MYO3B: variants seen among roughly 807,000 people sequenced by gnomAD.
The protein encoded by MYO3B is myosin IIIB.
In MYO3B, 156 loss-of-function variants were observed where a neutral mutation model predicts 174.6. The ratio of observed to expected loss-of-function variants is 0.89; its 90% CI spans 0.78 to 1.02. The LOEUF (loss-of-function observed/expected upper bound fraction) is 1.02, where lower values mean the gene tolerates loss of function less well. Ranked by LOEUF, MYO3B falls within the 50% of genes least tolerant of loss-of-function variation. The pLI, the probability that MYO3B is intolerant of heterozygous loss-of-function variation, is 0.00. For synonymous variants in MYO3B, 563 were observed against 569.1 expected, an observed-to-expected ratio of 0.99 and a Z score of 0.15; for missense variants, 1,632 against 1,639.4, an observed-to-expected ratio of 1.00 and a Z score of 0.08.
chr2:170,456,531 G>C (rs908482702), intron 23 of MYO3B, among the ~76,000 whole-genome samples: 1 of 152,146 alleles, frequency 6.6e-6, no homozygotes, highest in African/African-American at 2.4e-5. Flanking sequence ...TATGAACCCA[G>C]TTCAACATGG....
chr2:170,539,077 C>A (rs1296570986), intron 30 of MYO3B, among the ~76,000 whole-genome samples: 1 of 152,172 alleles, frequency 6.6e-6, no homozygotes, highest in East Asian at 1.9e-4. Flanking sequence ...CATGTTTATC[C>A]AGGCCAGGAT....
At chr2:170,508,347 T>C (rs1388672456) in intron 28 of MYO3B, among the ~76,000 whole-genome samples, 2 of 152,208 alleles carry the variant, frequency 1.3e-5, no homozygotes, top group African/African-American at 2.4e-5. Context: ...TTTAAAACAA[T>C]TTCATGTAGA....
intron 18 of MYO3B, among the ~76,000 whole-genome samples, chr2:170,401,963 C>T (rs1243162729): frequency 1.3e-5 from 2 of 151,996 alleles, no homozygotes; most frequent in African/African-American, 2.4e-5. Flanking sequence ...CCACCACGCC[C>T]GGCTAATTTA....
chr2:170,479,117 C>T (rs930745416), intron 25 of MYO3B, among the ~76,000 whole-genome samples: 2 of 149,878 alleles, frequency 1.3e-5, no homozygotes, highest in African/African-American at 2.4e-5. Context: ...AACCCTGTCT[C>T]TACTAAAACT....
At chr2:170,591,313 G>A (rs1261144925) in intron 32 of MYO3B, among the ~76,000 whole-genome samples, 1 of 152,140 alleles carries the variant, frequency 6.6e-6, no homozygotes, top group East Asian at 1.9e-4. Flanking sequence ...AAACTCTTGG[G>A]TGTCTGTATT....
intron 23 of MYO3B, among the ~76,000 whole-genome samples, chr2:170,460,264 C>A (rs535949342): frequency 1.3e-5 from 2 of 152,004 alleles, no homozygotes; most frequent in African/African-American, 4.8e-5. Flanking sequence ...CCGAGGCGGG[C>A]GGATCTCAAG....
At chr2:170,274,615 G>A (rs2093449795) in intron 7 of MYO3B, among the ~76,000 whole-genome samples, 1 of 152,142 alleles carries the variant, frequency 6.6e-6, no homozygotes. Flanking sequence ...GGAAGAGAGG[G>A]AACTGACTAC....
intron 7 of MYO3B, among the ~76,000 whole-genome samples, chr2:170,318,581 T>G (rs7581137): frequency 0.47 from 70,794 of 152,012 alleles, 18,042 homozygotes; most frequent in East Asian, 0.67. Flanking sequence ...AAGCGAAATT[T>G]CCTTGTCTTG....
Position 170,653,294 on chromosome 2 carries a change from C to T in MYO3B, c.*173C>T. 2 of 713,274 alleles carry T rather than the reference C, an allele frequency of 2.8e-6. No individual in the cohort carries two copies. Among genetic ancestry groups the T allele is most frequent in the Admixed American group, 5.4e-5 (2 of 36,874 alleles). 44.2% of individuals were successfully genotyped at this position (713,274 alleles called of 1,614,324 possible). A position where few individuals can be genotyped will look rare whatever the true frequency, so the allele number is the denominator to read the frequency against. ...CAAAACATCTTATCCTATCCTCTAC[C>T]ACTCTCCCACATGTGTTGTGCAGCC... On this transcript the variant is annotated 3_prime_UTR_variant, in exon 35 of 35. Coordinates refer to ENST00000408978, the MANE Select transcript of MYO3B (RefSeq NM_138995.5).
chr2:170,204,230 C>T (rs1321983472), intron 3 of MYO3B, among the ~76,000 whole-genome samples: 1 of 152,180 alleles, frequency 6.6e-6, no homozygotes, highest in Non-Finnish European at 1.5e-5. Flanking sequence ...GGACAGTGTC[C>T]AACATGATAC....
chr2:170,403,105 G>A, intron 19 of MYO3B, 110 bp downstream of exon 19: 1 of 1,059,296 alleles, frequency 9.4e-7, no homozygotes, highest in Non-Finnish European at 1.3e-6. Context: ...ACCCTAGAGA[G>A]AAAATAGGGT....
chr2:170,424,093 A>G (rs1259479073), intron 22 of MYO3B, among the ~76,000 whole-genome samples: 1 of 152,214 alleles, frequency 6.6e-6, no homozygotes. Flanking sequence ...TTTACTGCAG[A>G]AATACCAAGA....
At chr2:170,340,933 T>A (rs1434025898) in intron 8 of MYO3B, among the ~76,000 whole-genome samples, 2 of 152,192 alleles carry the variant, frequency 1.3e-5, no homozygotes, top group Non-Finnish European at 2.9e-5. Flanking sequence ...GTGTGTCTAT[T>A]TCTCATTTCT....
At chr2:170,564,596 C>G (rs1246999600) in intron 32 of MYO3B, among the ~76,000 whole-genome samples, 3 of 152,116 alleles carry the variant, frequency 2.0e-5, no homozygotes, top group Non-Finnish European at 2.9e-5. Flanking sequence ...AAAAGACACA[C>G]TTTGTTAGCA....
At chr2:170,223,426 T>C (rs890647203) in intron 6 of MYO3B, among the ~76,000 whole-genome samples, 75 of 152,238 alleles carry the variant, frequency 4.9e-4, no homozygotes, top group African/African-American at 1.8e-3. Context: ...GTCATCTACC[T>C]GTGAGAGTGC....
intron 19 of MYO3B, 140 bp from the exon 20 acceptor site, chr2:170,404,107 T>A: frequency 1.2e-6 from 1 of 826,562 alleles, no homozygotes; most frequent in South Asian, 2.2e-5. Context: ...TGCAGAAGAT[T>A]CCTTTATTAT....
At chr2:170,602,179 G>A (rs1694550732) in intron 32 of MYO3B, 3 of 1,246,594 alleles carry the variant, frequency 2.4e-6, no homozygotes, top group Non-Finnish European at 3.5e-6. Context: ...CACAAAAAAT[G>A]CATATGATGA....
At chr2:170,513,774 T>C (rs569498059) in intron 28 of MYO3B, among the ~76,000 whole-genome samples, 1 of 152,264 alleles carries the variant, frequency 6.6e-6, no homozygotes, top group East Asian at 1.9e-4. Context: ...GCTAGAAATG[T>C]TTATTTGGCC....
intron 9 of MYO3B, among the ~76,000 whole-genome samples, chr2:170,372,722 C>T (rs1258203454): frequency 2.0e-5 from 3 of 152,156 alleles, no homozygotes; most frequent in Non-Finnish European, 4.4e-5. Flanking sequence ...CTGGTAAAGA[C>T]ACCTAAGTCA....
Sources: gnomAD v4.1 joint callset for allele counts (sites outside exome capture counted in the v4.1 genomes callset) on GRCh38, gnomAD v4.1.1 for gene constraint, MANE v1.5 for transcripts, NCBI Gene and HGNC (gene_info 2026-07-23, HGNC 2026-07-21) for gene names.